NFIA: variants seen among roughly 807,000 people sequenced by gnomAD.
The protein encoded by NFIA is nuclear factor 1 A-type.
NFIA carries 8 observed loss-of-function variants against 62.8 expected under a neutral mutation model. The observed-to-expected ratio is 0.13, with a 90% CI of 0.07 to 0.23. The LOEUF (loss-of-function observed/expected upper bound fraction) is 0.23. Among genes scored for constraint, NFIA ranks in the 10% least tolerant of loss-of-function variants. The pLI is 1.00. For missense variants in NFIA, 410 were observed against 642.1 expected (o/e 0.64, Z 3.91); for synonymous variants, 235 against 238.1 (o/e 0.99, Z 0.12).
rs146233889 is a variant in NFIA, at chr1:61,097,583, G to A, written c.559+8903G>A. Among the ~76,000 whole-genome samples, 734 of 152,216 alleles carry A rather than the reference G, an allele frequency of 4.8e-3. 1 individual carries two copies. The highest frequency in any genetic ancestry group is 8.1e-3 in the Non-Finnish European group (551 of 68,004). On this transcript the variant is annotated intron_variant, in intron 2 of 10. Transcript: ENST00000403491. Reference sequence around the variant, plus strand: ...GATCTGAGTAGTAATTTTTAGTAGGGAAAGGTATTTGTCAGTGGGTAATAG... The same window carrying A: ...GATCTGAGTAGTAATTTTTAGTAGGAAAAGGTATTTGTCAGTGGGTAATAG...
intron 2 of NFIA, among the ~76,000 whole-genome samples, chr1:61,255,994 G>A (rs2100224951): frequency 6.6e-6 from 1 of 152,228 alleles, no homozygotes; most frequent in East Asian, 1.9e-4. Context: ...TAAATACCTA[G>A]CATATCGTTT....
intron 2 of NFIA, among the ~76,000 whole-genome samples, chr1:61,097,357 C>T (rs901578595): frequency 7.9e-5 from 12 of 151,930 alleles, no homozygotes; most frequent in South Asian, 4.2e-4. Context: ...AAAAGTGAGG[C>T]GAAATTGAAA....
chr1:61,452,948 T>A (rs2499541), intron 10 of NFIA, among the ~76,000 whole-genome samples: 121,287 of 151,962 alleles, frequency 0.8, 49,090 homozygotes, highest in East Asian at 0.96. Flanking sequence ...GAAAAAGAGG[T>A]GGGGGGCTGA....
At chr1:61,263,296 G>A (rs1459025671) in intron 2 of NFIA, among the ~76,000 whole-genome samples, 1 of 152,138 alleles carries the variant, frequency 6.6e-6, no homozygotes. Flanking sequence ...AAAAGACAGA[G>A]GTGATACTGG....
At chr1:61,129,002 A>T (rs1445587063) in intron 2 of NFIA, among the ~76,000 whole-genome samples, 1 of 130,380 alleles carries the variant, frequency 7.7e-6, no homozygotes, top group East Asian at 2.3e-4. Context: ...GGCTCACTGC[A>T]AGCTCCGCCT....
At chr1:61,255,513 T>G (rs1292620606) in intron 2 of NFIA, among the ~76,000 whole-genome samples, 3 of 152,222 alleles carry the variant, frequency 2.0e-5, no homozygotes, top group African/African-American at 7.2e-5. Flanking sequence ...ACCACATGTG[T>G]AATAAGGGAA....
In NFIA at chr1:61,082,770, C is replaced by T. The variant is rs1355752614; in HGVS notation, c.-22C>T. On this transcript the variant is annotated 5_prime_UTR_variant, in exon 1 of 11. Transcript: ENST00000403491. ...CAAACCGCACACCCAGACGCACACGCATACCCCAGCGCCCGGCAGTTATGT... is the reference window on the plus strand; with the variant it reads ...CAAACCGCACACCCAGACGCACACGTATACCCCAGCGCCCGGCAGTTATGT... 2.6e-6 allele frequency: 4 copies of T among 1,551,670 alleles called. No homozygotes were observed. In the South Asian group the frequency reaches 4.8e-5, roughly 18 times the overall value.
chr1:61,278,685 G>A (rs1657958916), intron 3 of NFIA, among the ~76,000 whole-genome samples: 1 of 152,160 alleles, frequency 6.6e-6, no homozygotes, highest in Non-Finnish European at 1.5e-5. Context: ...CAGCTACTTG[G>A]GAGGCTTAGG....
At chr1:61,314,281 C>T (rs1179258160) in intron 3 of NFIA, among the ~76,000 whole-genome samples, 1 of 152,144 alleles carries the variant, frequency 6.6e-6, no homozygotes, top group Non-Finnish European at 1.5e-5. Flanking sequence ...AATGCTTCCT[C>T]TGTTGGCCTG....
intron 2 of NFIA, among the ~76,000 whole-genome samples, chr1:61,164,845 G>C (rs1172360076): frequency 1.3e-5 from 2 of 152,134 alleles, no homozygotes; most frequent in African/African-American, 4.8e-5. Flanking sequence ...AACAGTTGCT[G>C]TCTGGCACAG....
chr1:61,206,903 A>G lies in NFIA; in HGVS notation c.560-70617A>G, dbSNP rs753342888. Among the ~76,000 whole-genome samples, 85 of 152,172 alleles carry G rather than the reference A, an allele frequency of 5.6e-4. 1 individual carries two copies. The highest frequency in any genetic ancestry group is 1.5e-4 in the Non-Finnish European group (10 of 68,030). ...ACTTGCAAAATTTTGCATATTTGGG[A>G]CCAACATACCTGTTATTCTGAAGTG... On this transcript the variant is annotated intron_variant, in intron 2 of 10. Transcript: ENST00000403491.
chr1:61,209,759 G>A (rs1165146582), intron 2 of NFIA, among the ~76,000 whole-genome samples: 1 of 152,124 alleles, frequency 6.6e-6, no homozygotes, highest in African/African-American at 2.4e-5. Flanking sequence ...GGGTGAGGCA[G>A]GAGAATCACT....
intron 2 of NFIA, among the ~76,000 whole-genome samples, chr1:61,185,031 CTT>C (rs1172311280): frequency 2.0e-5 from 3 of 152,180 alleles, no homozygotes; most frequent in African/African-American, 7.2e-5. Flanking sequence ...GATTTAAACA[CTT>C]TTAAAAGGTT....
intron 1 of NFIA, among the ~76,000 whole-genome samples, chr1:61,084,463 T>A (rs1358565553): frequency 6.6e-6 from 1 of 152,180 alleles, no homozygotes; most frequent in Non-Finnish European, 1.5e-5. Context: ...AAGTTCCTAT[T>A]TTAGTAACTT....
At chr1:61,382,161 C>A (rs1017657443) in intron 6 of NFIA, among the ~76,000 whole-genome samples, 3 of 151,980 alleles carry the variant, frequency 2.0e-5, no homozygotes, top group Non-Finnish European at 4.4e-5. Context: ...GGAGTCATTT[C>A]TTTTATTTTT....
At chr1:61,176,977 G>A (rs1279561091) in intron 2 of NFIA, among the ~76,000 whole-genome samples, 11 of 151,964 alleles carry the variant, frequency 7.2e-5, no homozygotes, top group Non-Finnish European at 1.6e-4. Context: ...ATGGTGGCGG[G>A]CGCCTGTAGT....
chr1:61,451,668 A>G (rs1297221720), intron 10 of NFIA, among the ~76,000 whole-genome samples: 1 of 152,206 alleles, frequency 6.6e-6, no homozygotes, highest in African/African-American at 2.4e-5. Context: ...CACAACAACT[A>G]TAGCTGAAAG....
chr1:61,279,089 TTGAA>T (rs764913495), intron 3 of NFIA, among the ~76,000 whole-genome samples: 1 of 152,228 alleles, frequency 6.6e-6, no homozygotes, highest in Non-Finnish European at 1.5e-5. Context: ...TTCACCCACT[TTGAA>T]TGACCCCATT....
chr1:61,403,331 G>C (rs1388947114), intron 7 of NFIA, among the ~76,000 whole-genome samples: 1 of 152,124 alleles, frequency 6.6e-6, no homozygotes, highest in Non-Finnish European at 1.5e-5. Context: ...CCTCACATAA[G>C]TTTTTTTAAT....
Sources: gnomAD v4.1 joint callset for allele counts (sites outside exome capture counted in the v4.1 genomes callset) on GRCh38, gnomAD v4.1.1 for gene constraint, MANE v1.5 for transcripts, NCBI Gene and HGNC (gene_info 2026-07-23, HGNC 2026-07-21) for gene names.